Variants in NFATC2 observed in about 807,000 individuals in gnomAD.
The protein encoded by NFATC2 is nuclear factor of activated T-cells, cytoplasmic 2.
In NFATC2, 22 loss-of-function variants were observed where a neutral mutation model predicts 87.3. The ratio of observed to expected loss-of-function variants is 0.25; its 90% CI spans 0.18 to 0.36. NFATC2 has a LOEUF of 0.36. Ranked by LOEUF, NFATC2 falls within the 10% of genes least tolerant of loss-of-function variation. The probability of loss-of-function intolerance (pLI) is 1.00; values close to 1 mark genes in which losing one functional copy is unlikely to be tolerated. For synonymous variants in NFATC2, 565 were observed against 542.2 expected (o/e 1.04, Z -0.58); for missense variants, 1,149 against 1,259.1 (o/e 0.91, Z 1.32).
At chr20:51,550,831 C>G (rs1601012390) in intron 1 of NFATC2, among the ~76,000 whole-genome samples, 1 of 152,184 alleles carries the variant, frequency 6.6e-6, no homozygotes, top group South Asian at 2.1e-4. Flanking sequence ...TTTATGGGTA[C>G]CCAAAGTACA....
intron 5 of NFATC2, among the ~76,000 whole-genome samples, chr20:51,455,936 GTAGA>G (rs1569001378): frequency 1.7e-3 from 6 of 3,454 alleles, no homozygotes; most frequent in Non-Finnish European, 3.5e-3. Flanking sequence ...GGGTGGGTGG[GTAGA>G]TGGATGGATG....
chr20:51,394,860 T>C (rs73267867), intron 10 of NFATC2, among the ~76,000 whole-genome samples: 31,680 of 151,972 alleles, frequency 0.21, 3,406 homozygotes, highest in African/African-American at 0.25. Context: ...ACGTGCAGTG[T>C]TCTGCCTCTT....
At chr20:51,481,801 C>T (rs1039447825) in intron 3 of NFATC2, among the ~76,000 whole-genome samples, 1 of 152,132 alleles carries the variant, frequency 6.6e-6, no homozygotes, top group Non-Finnish European at 1.5e-5. Context: ...TTAGACATCC[C>T]GCCACAGTTA....
intron 6 of NFATC2, among the ~76,000 whole-genome samples, chr20:51,443,685 T>C (rs879344594): frequency 3.3e-5 from 5 of 152,144 alleles, no homozygotes; most frequent in Non-Finnish European, 5.9e-5. Flanking sequence ...CCTACCCCCG[T>C]GGAACAGGAC....
At chr20:51,455,647 T>C (rs1986327013) in intron 5 of NFATC2, among the ~76,000 whole-genome samples, 1 of 127,856 alleles carries the variant, frequency 7.8e-6, no homozygotes, top group Non-Finnish European at 1.6e-5. Flanking sequence ...GGCTTCGCTT[T>C]GTGTACTGCT....
At chr20:51,497,641 A>G (rs1243744442) in intron 3 of NFATC2, among the ~76,000 whole-genome samples, 3 of 151,914 alleles carry the variant, frequency 2.0e-5, no homozygotes, top group East Asian at 3.9e-4. Flanking sequence ...CCTTCCACCA[A>G]AGCAGATCCT....
At chr20:51,546,854 AAGTT>A (rs1424090418), upstream of NFATC2, among the ~76,000 whole-genome samples, 2 of 152,208 alleles carry the variant, frequency 1.3e-5, no homozygotes, top group East Asian at 1.9e-4. Flanking sequence ...AGGTTGGTAG[AAGTT>A]AGTTAGGGAA....
chr20:51,432,543 G>A lies in NFATC2; in HGVS notation c.2246C>T (p.Ala749Val). 6.5e-7 allele frequency: 1 copy of A among 1,549,366 alleles called. No individual in the cohort carries two copies. Among genetic ancestry groups the A allele is most frequent in the Non-Finnish European group, 8.7e-7 (1 of 1,149,538 alleles). ...DARYQQQNPA[A>V]VLYQRSKSLS... ...GCTCTTGCTCCGCTGGTAGAGTACG[G>A]CCGCTGGGTTCTGTTGCTGGTAGCG... The change falls in exon 9 of 11, where the codon GCC (alanine) becomes GTC (valine). Residue 749 changes from alanine to valine, a missense_variant. By Grantham distance (64) the Ala-to-Val change is moderately conservative (BLOSUM62 0). Coordinates refer to ENST00000371564, the MANE Select transcript of NFATC2 (RefSeq NM_012340.5). The surrounding 1 kb of genome is among the most constrained non-coding windows in gnomAD (Gnocchi z 4.6).
At chr20:51,423,613 C>T (rs1981307264) in intron 9 of NFATC2, among the ~76,000 whole-genome samples, 1 of 152,202 alleles carries the variant, frequency 6.6e-6, no homozygotes, top group African/African-American at 2.4e-5. Flanking sequence ...AGGATATTCA[C>T]CTGTTACCAC....
rs140100153 is a variant in NFATC2 at position 51,551,527 on chromosome 20, C to G, written c.70+11033G>C. Among the ~76,000 whole-genome samples the G allele has an allele frequency of 8.9e-3, 1,354 of 151,728 alleles. 12 individuals carry two copies. The highest frequency in any genetic ancestry group is 0.014 in the Middle Eastern group (4 of 290). The stretch of plus-strand genomic sequence containing the variant: ...CAGATGATCCGCTCACCTCAGCCTC[C>G]TAGTAGCTGGGGCTACAGGCTCCTG... On this transcript the variant is annotated intron_variant, in intron 1 of 10. Coordinates refer to the NFATC2 transcript ENST00000414705.
intron 9 of NFATC2, among the ~76,000 whole-genome samples, chr20:51,431,495 A>G (rs1201824009): frequency 6.6e-6 from 1 of 152,174 alleles, no homozygotes; most frequent in African/African-American, 2.4e-5. Context: ...GCGGAAGCCC[A>G]CTGCTTCCTT....
upstream of NFATC2, among the ~76,000 whole-genome samples, chr20:51,545,139 C>G (rs993256941): frequency 1.3e-5 from 2 of 152,116 alleles, no homozygotes; most frequent in African/African-American, 4.8e-5. Flanking sequence ...AAATTTTGGC[C>G]AATAAACAAG....
At chr20:51,482,451 G>A (rs1477102902) in intron 3 of NFATC2, among the ~76,000 whole-genome samples, 1 of 151,954 alleles carries the variant, frequency 6.6e-6, no homozygotes, top group Non-Finnish European at 1.5e-5. Flanking sequence ...AATACCCCTT[G>A]AAAATAAGTA....
At chr20:51,486,044 C>G (rs1156561702) in intron 3 of NFATC2, among the ~76,000 whole-genome samples, 1 of 152,068 alleles carries the variant, frequency 6.6e-6, no homozygotes, top group Non-Finnish European at 1.5e-5. Flanking sequence ...AACCCCGTCT[C>G]TACTACAAAT....
rs150348438 is a variant in NFATC2, at chr20:51,482,569, G to T, written c.1333-6909C>A. Among the ~76,000 whole-genome samples the T allele has an allele frequency of 4.7e-3, 707 of 151,860 alleles. 15 individuals carry two copies. The East Asian group carries it at 0.073, about 16-fold the overall frequency. ...AAATAACAATTTTATATATTTATGG[G>T]GTACAATATGTGATGCTTTAATATG... is the stretch of plus-strand genomic sequence containing the variant. On this transcript the variant is annotated intron_variant, in intron 3 of 10. Transcript: ENST00000371564.
chr20:51,540,723 T>C (rs1222471673), intron 1 of NFATC2, among the ~76,000 whole-genome samples: 1 of 147,192 alleles, frequency 6.8e-6, no homozygotes, highest in African/African-American at 2.5e-5. Flanking sequence ...ACCCATCTGG[T>C]GGCCACCAAG....
At chr20:51,450,156 G>A (rs1402665847) in intron 6 of NFATC2, among the ~76,000 whole-genome samples, 1 of 152,174 alleles carries the variant, frequency 6.6e-6, no homozygotes, top group African/African-American at 2.4e-5. Context: ...AAGAGGAAAT[G>A]TCAGCCCAGA....
chr20:51,411,864 C>T (rs1979310734), intron 9 of NFATC2, among the ~76,000 whole-genome samples: 1 of 152,100 alleles, frequency 6.6e-6, no homozygotes. Context: ...CTGCCTGGCA[C>T]ACAGTAGGCA....
chr20:51,406,990 G>A (rs1050203727), intron 9 of NFATC2, among the ~76,000 whole-genome samples: 1 of 152,174 alleles, frequency 6.6e-6, no homozygotes, highest in Admixed American at 6.5e-5. Context: ...GACTGAAGAT[G>A]ATCTGCTTCT....
Sources: gnomAD v4.1 joint callset for allele counts (sites outside exome capture counted in the v4.1 genomes callset) on GRCh38, gnomAD v4.1.1 for gene constraint, Gnocchi (gnomAD v3.1) non-coding constraint, MANE v1.5 for transcripts, NCBI Gene and HGNC (gene_info 2026-07-23, HGNC 2026-07-21) for gene names.